SULT2B1: variants seen among roughly 807,000 people sequenced by gnomAD.
SULT2B1 encodes the protein sulfotransferase 2B1.
A neutral mutation model predicts 33.2 loss-of-function variants in SULT2B1; 16 were observed. That is an observed-to-expected ratio of 0.48 (90% CI 0.33 to 0.73). The LOEUF (loss-of-function observed/expected upper bound fraction) is 0.73, where lower values mean the gene tolerates loss of function less well. Among genes scored for constraint, SULT2B1 ranks in the 30% least tolerant of loss-of-function variants. The pLI is 0.02. For synonymous variants in SULT2B1, 186 were observed against 200.5 expected, an observed-to-expected ratio of 0.93 and a Z score of 0.61; for missense variants, 500 against 506.0, an observed-to-expected ratio of 0.99 and a Z score of 0.11.
intron 1 of SULT2B1, among the ~76,000 whole-genome samples, chr19:48,571,908 C>T (rs943237070): frequency 3.9e-5 from 6 of 152,078 alleles, no homozygotes; most frequent in South Asian, 2.1e-4. Context: ...GCACCATGCC[C>T]GGCTGCACTT....
chr19:48,580,901 C>T (rs1471766469), intron 2 of SULT2B1, among the ~76,000 whole-genome samples: 1 of 151,402 alleles, frequency 6.6e-6, no homozygotes, highest in African/African-American at 2.4e-5. Flanking sequence ...TGTGCCTGGC[C>T]AGTTTTTTTC....
chr19:48,573,295 C>T (rs1973356405), intron 1 of SULT2B1, among the ~76,000 whole-genome samples: 1 of 152,084 alleles, frequency 6.6e-6, no homozygotes, highest in Non-Finnish European at 1.5e-5. Flanking sequence ...CTGTCCCTGT[C>T]CCTGGCCTCT....
intron 2 of SULT2B1, among the ~76,000 whole-genome samples, chr19:48,578,674 C>T (rs1268450765): frequency 2.6e-5 from 4 of 151,860 alleles, no homozygotes; most frequent in South Asian, 2.1e-4. Context: ...GTCAGGAGTT[C>T]GAGACCAGTC....
At chr19:48,581,936 G>A (rs899757100) in intron 2 of SULT2B1, among the ~76,000 whole-genome samples, 4 of 148,330 alleles carry the variant, frequency 2.7e-5, no homozygotes, top group East Asian at 3.9e-4. Flanking sequence ...ATGAAGTCTC[G>A]CTCTGTCGCC....
chr19:48,582,570 C>T (rs558391679), intron 2 of SULT2B1, among the ~76,000 whole-genome samples: 5 of 152,078 alleles, frequency 3.3e-5, no homozygotes, highest in South Asian at 4.2e-4. Context: ...TTCTCTGAGC[C>T]GGGGGTGTGG....
intron 1 of SULT2B1, among the ~76,000 whole-genome samples, chr19:48,566,119 C>T (rs1041474304): frequency 6.6e-6 from 1 of 152,036 alleles, no homozygotes; most frequent in Non-Finnish European, 1.5e-5. Flanking sequence ...ACTCTGTTGG[C>T]CAGGCTGGTC....
chr19:48,597,050 C>T, intron 6 of SULT2B1, 131 bp downstream of exon 6: 3 of 1,082,806 alleles, frequency 2.8e-6, no homozygotes, highest in Non-Finnish European at 3.9e-6. Context: ...TCACTGTGGC[C>T]CCAGGGTTGA....
intron 1 of SULT2B1, among the ~76,000 whole-genome samples, chr19:48,554,262 G>A (rs778778927): frequency 1.4e-5 from 2 of 143,968 alleles, no homozygotes; most frequent in African/African-American, 2.6e-5. Context: ...CACTTCCTTC[G>A]GGATGTGCCC....
At chr19:48,573,904 C>T (rs1601096830) in intron 1 of SULT2B1, among the ~76,000 whole-genome samples, 1 of 152,168 alleles carries the variant, frequency 6.6e-6, no homozygotes, top group African/African-American at 2.4e-5. Context: ...CTCTGTCACC[C>T]AGGCTGGAGT....
chr19:48,570,731 T>TTC (rs1555732543), intron 1 of SULT2B1, among the ~76,000 whole-genome samples: 1 of 19,822 alleles, frequency 5.0e-5, no homozygotes, highest in African/African-American at 3.9e-4. Context: ...TTTGTTTTTG[T>TTC]TTTTTTTTTC....
At chr19:48,591,995 G>T (rs1973649819) in intron 4 of SULT2B1, among the ~76,000 whole-genome samples, 1 of 151,880 alleles carries the variant, frequency 6.6e-6, no homozygotes, top group Admixed American at 6.6e-5. Context: ...GAGAGAGAGG[G>T]CAACAAAAGA....
At chr19:48,581,562 A>T (rs1023391431) in intron 2 of SULT2B1, among the ~76,000 whole-genome samples, 3 of 139,102 alleles carry the variant, frequency 2.2e-5, no homozygotes, top group Non-Finnish European at 4.5e-5. Context: ...GGTTCACGCC[A>T]TTCTCCTGCC....
chr19:48,599,079 T>C lies in SULT2B1; in HGVS notation c.827-56T>C. On this transcript the variant is annotated intron_variant, in intron 6 of 6. Coordinates refer to ENST00000201586, the MANE Select transcript of SULT2B1 (RefSeq NM_177973.2). The surrounding 1 kb of genome is among the most constrained non-coding windows in gnomAD (Gnocchi z 4.1). Reference sequence around the variant, plus strand: ...AAGGAGGTTGCTGGAATGTTGGAGGTAGGGGCGCAGTGCTCCCCAGAGGCT... The same window carrying C: ...AAGGAGGTTGCTGGAATGTTGGAGGCAGGGGCGCAGTGCTCCCCAGAGGCT... 1 of 1,527,022 alleles carries C rather than the reference T, an allele frequency of 6.5e-7. No homozygotes were observed. The highest frequency in any genetic ancestry group is 1.4e-5 in the African/African-American group (1 of 72,364). The allele number at this position is 1,527,022 out of a possible 1,614,324, so 94.6% of individuals were successfully genotyped here.
chr19:48,565,122 C>T (rs900709434), intron 1 of SULT2B1, among the ~76,000 whole-genome samples: 19 of 151,642 alleles, frequency 1.3e-4, no homozygotes, highest in Non-Finnish European at 2.2e-4. Context: ...GACAGGGTTT[C>T]GCCATGTTAG....
chr19:48,580,895 C>T (rs1411479463), intron 2 of SULT2B1, among the ~76,000 whole-genome samples: 1 of 151,968 alleles, frequency 6.6e-6, no homozygotes, highest in Non-Finnish European at 1.5e-5. Context: ...AGCCACTGTG[C>T]CTGGCCAGTT....
chr19:48,598,995 A>G, intron 6 of SULT2B1, 140 bp from the exon 7 acceptor site: 1 of 1,412,056 alleles, frequency 7.1e-7, no homozygotes, highest in East Asian at 2.5e-5. Context: ...GGCAATGTGG[A>G]GGGTAGGGAG....
chr19:48,562,648 T>G (rs1973197068), intron 1 of SULT2B1, among the ~76,000 whole-genome samples: 1 of 152,140 alleles, frequency 6.6e-6, no homozygotes, highest in Non-Finnish European at 1.5e-5. Flanking sequence ...TTACTTGTTT[T>G]GAGGATATAT....
Position 48,576,047 on chromosome 19 carries a change from G to A in SULT2B1, c.178G>A (p.Asp60Asn). ...SLAENTQDVR[D>N]DDIFIITYPK... is the part of the protein sequence containing the mutation. ...GGCGGAGAACACCCAAGATGTGCGG[G>A]ACGACGACATCTTTATCATCACCTA... is the stretch of plus-strand genomic sequence containing the variant. Residue 60 changes from aspartate (D) to asparagine (N), a missense_variant, in exon 2 of 7, where the codon GAC becomes AAC. Transcript: ENST00000201586. 6.2e-7 allele frequency: 1 copy of A among 1,613,564 alleles called. No individual in the cohort carries two copies. The highest frequency in any genetic ancestry group is 8.5e-7 in the Non-Finnish European group (1 of 1,179,814).
chr19:48,590,973 A>G (rs1973636174), intron 3 of SULT2B1: 1 of 152,134 alleles, frequency 6.6e-6, no homozygotes, highest in African/African-American at 2.4e-5. Flanking sequence ...AGCTGGGACC[A>G]CGGGCACGCA....
Sources: allele counts gnomAD v4.1 joint callset (sites outside exome capture counted in the v4.1 genomes callset), GRCh38; gene constraint gnomAD v4.1.1; non-coding constraint Gnocchi (gnomAD v3.1); transcripts MANE v1.5; gene names NCBI Gene and HGNC (gene_info 2026-07-23, HGNC 2026-07-21).